UNKL: variants seen among roughly 807,000 people sequenced by gnomAD.
The protein encoded by UNKL is putative E3 ubiquitin-protein ligase UNKL.
In UNKL, 60 loss-of-function variants were observed where a neutral mutation model predicts 78.0. The ratio of observed to expected loss-of-function variants is 0.77; its 90% CI spans 0.63 to 0.95. The LOEUF (loss-of-function observed/expected upper bound fraction) is 0.95, where lower values mean the gene tolerates loss of function less well. Among genes scored for constraint, UNKL ranks in the 40% least tolerant of loss-of-function variants. UNKL has a pLI of 0.00. For missense variants in UNKL, 1,159 were observed against 1,045.7 expected (o/e 1.11, Z -1.49); for synonymous variants, 608 against 474.8 (o/e 1.28, Z -3.65).
At chr16:1,414,406 C>T (rs2038185363) in intron 1 of UNKL, among the ~76,000 whole-genome samples, 1 of 152,072 alleles carries the variant, frequency 6.6e-6, no homozygotes, top group African/African-American at 2.4e-5. Context: ...GGCGCGTGGA[C>T]CCCGGAACCA....
At chr16:1,369,259 G>T (rs1050205370) in intron 12 of UNKL, among the ~76,000 whole-genome samples, 1 of 151,078 alleles carries the variant, frequency 6.6e-6, no homozygotes, top group African/African-American at 2.4e-5. Flanking sequence ...TAGTAGAGAC[G>T]GGGTTTCACC....
At chr16:1,395,906 C>T in intron 6 of UNKL, 1 of 395,558 alleles carries the variant, frequency 2.5e-6, no homozygotes, top group Non-Finnish European at 5.2e-6. Flanking sequence ...GAAGCAGCGC[C>T]TGGTCCTTCC....
At chr16:1,367,949 CGT>C in intron 12 of UNKL, 91 bp from the exon 13 acceptor site, 1 of 1,209,890 alleles carries the variant, frequency 8.3e-7, no homozygotes, top group Non-Finnish European at 1.2e-6. Flanking sequence ...CCCACCGCTA[CGT>C]GGGCACCCTC....
chr16:1,363,227 T>C lies in UNKL; in HGVS notation c.*3013A>G. On this transcript the variant is annotated 3_prime_UTR_variant, in exon 15 of 15. Coordinates refer to ENST00000389221, the MANE Select transcript of UNKL (RefSeq NM_001372107.1). ...AACAAAGATTCAAGGTTTTAATTAA[T>C]TCCCATACTGATAAAAATAACTCCA... 1.4e-6 allele frequency: 1 copy of C among 735,006 alleles called. No homozygotes were observed. The highest frequency in any genetic ancestry group is 2.7e-5 in the East Asian group (1 of 36,848). The allele number at this position is 735,006 out of a possible 1,614,324, so 45.5% of individuals were successfully genotyped here.
chr16:1,408,389 G>A (rs983920012), intron 2 of UNKL: 10 of 153,084 alleles, frequency 6.5e-5, no homozygotes, highest in East Asian at 1.9e-4. Flanking sequence ...CGAGCGGGGC[G>A]GGGCGGGGCC....
At chr16:1,409,953 G>A (rs1021302164) in intron 2 of UNKL, among the ~76,000 whole-genome samples, 4 of 152,050 alleles carry the variant, frequency 2.6e-5, no homozygotes, top group Admixed American at 2.0e-4. Flanking sequence ...GGTGGCACAC[G>A]CCTGTAATCC....
intron 12 of UNKL, chr16:1,369,908 G>C (rs752449278): frequency 1.3e-6 from 2 of 1,530,614 alleles, no homozygotes; most frequent in Non-Finnish European, 1.8e-6. Flanking sequence ...CTGGGAGGCG[G>C]AGGTTGCGGC....
chr16:1,392,923 G>T lies in UNKL; in HGVS notation c.991C>A (p.Pro331Thr). Residue 331 changes from proline (P) to threonine (T), a missense_variant, in exon 8 of 15, where the codon CCT becomes ACT. Coordinates refer to ENST00000389221, the MANE Select transcript of UNKL (RefSeq NM_001372107.1). ...GGCTGGCCGCTGCCCGTGGAGGAAG[G>T]ACTCGTGAGGTGGAGGTCGTGACAG... is the stretch of plus-strand genomic sequence containing the variant. ...WGCHDLHLTS[P>T]SSTGSGQPGN... is the part of the protein sequence containing the mutation. The T allele has an allele frequency of 6.4e-7, 1 of 1,550,600 alleles. No individual in the cohort carries two copies. The highest frequency in any genetic ancestry group is 8.7e-7 in the Non-Finnish European group (1 of 1,147,006).
At chr16:1,368,080 C>T (rs557464413) in intron 12 of UNKL, 2 of 518,982 alleles carry the variant, frequency 3.9e-6, no homozygotes, top group Admixed American at 7.0e-5. Flanking sequence ...CCGGTCTCCC[C>T]ACCAGATCTA....
At chr16:1,390,323 C>T (rs139029308) in intron 9 of UNKL, among the ~76,000 whole-genome samples, 1 of 152,346 alleles carries the variant, frequency 6.6e-6, no homozygotes, top group East Asian at 1.9e-4. Context: ...GCATCCTTCC[C>T]TCGCAGCCCA....
chr16:1,401,942 G>A (rs890302970), intron 3 of UNKL, among the ~76,000 whole-genome samples: 1 of 152,182 alleles, frequency 6.6e-6, no homozygotes, highest in Admixed American at 6.5e-5. Flanking sequence ...CTGTCCCCCA[G>A]GCTGGAGTGC....
Position 1,387,132 on chromosome 16 carries a change from A to G in UNKL, c.1087-1747T>C, listed in dbSNP as rs2036849033. On this transcript the variant is annotated intron_variant, in intron 9 of 14. Coordinates refer to ENST00000389221, the MANE Select transcript of UNKL (RefSeq NM_001372107.1). The surrounding 1 kb of genome is among the most constrained non-coding windows in gnomAD (Gnocchi z 4.1). ...GCAATGCAGCACCGGGGACCCTCCC[A>G]GCCATGCAGCACCGGGGACCCTCCC... is the stretch of plus-strand genomic sequence containing the variant. Among the ~76,000 whole-genome samples, 1 of 151,632 alleles carries G rather than the reference A, an allele frequency of 6.6e-6. No homozygotes were observed. The highest frequency in any genetic ancestry group is 2.4e-5 in the African/African-American group (1 of 41,230).
At chr16:1,397,065 C>T (rs1596737878) in intron 6 of UNKL, 113 bp downstream of exon 6, 2 of 1,193,332 alleles carry the variant, frequency 1.7e-6, no homozygotes, top group Non-Finnish European at 1.2e-6. Context: ...CCTGTGCCAG[C>T]CCTCGGCCAA....
At chr16:1,379,562 C>T in intron 10 of UNKL, 1 of 985,342 alleles carries the variant, frequency 1.0e-6, no homozygotes, top group Non-Finnish European at 1.2e-6. Flanking sequence ...AGGGAGGGCC[C>T]GCTCCTGACC....
chr16:1,394,342 G>T, intron 6 of UNKL, 127 bp from the exon 7 acceptor site: 1 of 1,159,730 alleles, frequency 8.6e-7, no homozygotes, highest in Non-Finnish European at 1.3e-6. Context: ...GAAAAGGGGG[G>T]CGTGGGCCCT....
chr16:1,367,166 T>A lies in UNKL; in HGVS notation c.1972A>T (p.Ile658Phe), dbSNP rs781523912. The A allele has an allele frequency of 6.2e-7, 1 of 1,605,430 alleles. No homozygotes were observed. Among genetic ancestry groups the A allele is most frequent in the African/African-American group, 1.3e-5 (1 of 74,776 alleles). The change falls in exon 14 of 15, where the codon ATC becomes TTC. Residue 658 changes from isoleucine (I) to phenylalanine (F), a missense_variant. Transcript: ENST00000389221. The stretch of plus-strand genomic sequence containing the variant: ...AGCTTCGGCAGGGGAATGGTGCCGA[T>A]GTCCCCACAGCCCCGCAGCCCCGGC... Reference protein sequence around the residue: ...TLPGLRGCGDIGTIPLPKLHS... With the variant: ...TLPGLRGCGDFGTIPLPKLHS...
chr16:1,405,877 A>G, intron 2 of UNKL: 1 of 452,074 alleles, frequency 2.2e-6, no homozygotes, highest in Non-Finnish European at 4.5e-6. Flanking sequence ...GGAGTGCAAG[A>G]AGCTGCCCTT....
chr16:1,379,404 T>C, intron 10 of UNKL: 1 of 913,206 alleles, frequency 1.1e-6, no homozygotes, highest in Non-Finnish European at 1.3e-6. Flanking sequence ...GAGCCCGCGC[T>C]GGGAAGCGGC....
At chr16:1,408,235 T>C (rs1364059335) in intron 2 of UNKL, among the ~76,000 whole-genome samples, 1 of 149,548 alleles carries the variant, frequency 6.7e-6, no homozygotes, top group Non-Finnish European at 1.5e-5. Context: ...CCCCGGGGCC[T>C]CAAGGCCACG....
Sources: allele counts gnomAD v4.1 joint callset (sites outside exome capture counted in the v4.1 genomes callset), GRCh38; gene constraint gnomAD v4.1.1; non-coding constraint Gnocchi (gnomAD v3.1); transcripts MANE v1.5; gene names NCBI Gene and HGNC (gene_info 2026-07-23, HGNC 2026-07-21).